The following KIF16B variants were observed in gnomAD, a reference collection of about 807,000 sequenced individuals.
KIF16B encodes kinesin-like protein KIF16B.
A neutral mutation model predicts 156.3 loss-of-function variants in KIF16B; 98 were observed. The observed-to-expected ratio is 0.63, with a 90% confidence interval of 0.53 to 0.74. KIF16B has a LOEUF of 0.74. Ranked by LOEUF, KIF16B falls within the 30% of genes least tolerant of loss-of-function variation. KIF16B has a pLI of 0.00. For synonymous variants in KIF16B, 564 were observed against 583.7 expected, an observed-to-expected ratio of 0.97 and a Z score of 0.49; for missense variants, 1,421 against 1,606.5, an observed-to-expected ratio of 0.88 and a Z score of 1.97.
chr20:16,564,447 G>A (rs2071178477), intron 1 of KIF16B, among the ~76,000 whole-genome samples: 1 of 152,028 alleles, frequency 6.6e-6, no homozygotes, highest in Admixed American at 6.6e-5. Flanking sequence ...TCACTCATAG[G>A]TGGGAATTGA....
Position 16,402,828 on chromosome 20 carries a change from T to G in KIF16B, c.1784+1985A>C, listed in dbSNP as rs184080430. Among the ~76,000 whole-genome samples the G allele has an allele frequency of 2.6e-5, 4 of 152,302 alleles. No homozygotes were observed. The East Asian group carries it at 7.7e-4, about 29-fold the overall frequency. On this transcript the variant is annotated intron_variant, in intron 17 of 25. Transcript: ENST00000354981. ...GAAAGTCACTGAAAAGTTCTGAGGA[T>G]GAAAACTAGTAACTTTGACCTGCAT... is the stretch of plus-strand genomic sequence containing the variant.
intron 3 of KIF16B, among the ~76,000 whole-genome samples, chr20:16,520,975 A>ACAGCAT (rs2069328791): frequency 6.6e-6 from 1 of 152,126 alleles, no homozygotes; most frequent in African/African-American, 2.4e-5. Flanking sequence ...ACAGAAAGAA[A>ACAGCAT]CAGCATCAAC....
intron 25 of KIF16B, among the ~76,000 whole-genome samples, chr20:16,303,851 C>T (rs750228223): frequency 2.0e-4 from 31 of 152,288 alleles, no homozygotes; most frequent in African/African-American, 6.5e-4. Context: ...TGCTTCTACT[C>T]GGTGGGCAGG....
chr20:16,450,797 CAG>C (rs571056577), intron 12 of KIF16B, among the ~76,000 whole-genome samples: 227 of 152,254 alleles, frequency 1.5e-3, no homozygotes, highest in Non-Finnish European at 2.5e-3. Flanking sequence ...AGGAAACAAA[CAG>C]AGTCATATTT....
chr20:16,471,794 T>G (rs185924925), intron 12 of KIF16B, among the ~76,000 whole-genome samples: 2 of 152,246 alleles, frequency 1.3e-5, no homozygotes, highest in African/African-American at 4.8e-5. Context: ...ACAGAAAGTA[T>G]GGCTAATTTA....
At chr20:16,433,452 C>CT (rs1430988269) in intron 12 of KIF16B, among the ~76,000 whole-genome samples, 1 of 151,986 alleles carries the variant, frequency 6.6e-6, no homozygotes, top group Non-Finnish European at 1.5e-5. Flanking sequence ...ACTATTCTTT[C>CT]TTTTTTTAAC....
intron 19 of KIF16B, 50 bp from the exon 20 acceptor site, chr20:16,374,459 C>A: frequency 6.9e-7 from 1 of 1,454,688 alleles, no homozygotes; most frequent in Non-Finnish European, 9.2e-7. Context: ...ATTTCCCGAG[C>A]ATCCTTACTG....
intron 23 of KIF16B, among the ~76,000 whole-genome samples, chr20:16,339,399 G>A (rs1474406191): frequency 2.6e-5 from 4 of 151,878 alleles, no homozygotes; most frequent in Non-Finnish European, 5.9e-5. Context: ...TCTAAACATC[G>A]AGTCCTCCAG....
chr20:16,276,242 G>A (rs892274986), intron 25 of KIF16B, among the ~76,000 whole-genome samples: 1 of 152,140 alleles, frequency 6.6e-6, no homozygotes, highest in Non-Finnish European at 1.5e-5. Context: ...CCTATAAAGG[G>A]CCAATAAAGC....
In KIF16B at chr20:16,273,030, A is replaced by G. The variant is rs747890431; in HGVS notation, c.*223T>C. 1 of 523,904 alleles carries G rather than the reference A, an allele frequency of 1.9e-6. No homozygotes were observed. The highest frequency in any genetic ancestry group is 3.4e-6 in the Non-Finnish European group (1 of 291,666). The allele number at this position is 523,904 out of a possible 1,614,324, so 32.5% of individuals were successfully genotyped here. On this transcript the variant is annotated 3_prime_UTR_variant, in exon 26 of 26. Coordinates refer to ENST00000354981, the MANE Select transcript of KIF16B (RefSeq NM_024704.5). ...AAAAGGCCACGTTCAACCGCAATGG[A>G]ACGGTAACGGCTGCCTGTCAGGGCC...
intron 1 of KIF16B, among the ~76,000 whole-genome samples, chr20:16,535,611 A>G (rs2069929748): frequency 6.6e-6 from 1 of 152,142 alleles, no homozygotes; most frequent in Non-Finnish European, 1.5e-5. Flanking sequence ...ATTCGCTACA[A>G]TGTTAGCAGT....
intron 25 of KIF16B, 65 bp downstream of exon 25, chr20:16,312,270 A>T (rs2063630208): frequency 1.7e-6 from 2 of 1,199,654 alleles, no homozygotes; most frequent in Non-Finnish European, 2.4e-6. Context: ...TAACAGAAAC[A>T]ATTCTTACCG....
At chr20:16,432,208 T>C (rs1010990195) in intron 12 of KIF16B, among the ~76,000 whole-genome samples, 6 of 152,002 alleles carry the variant, frequency 3.9e-5, no homozygotes, top group African/African-American at 1.2e-4. Context: ...TCCAGAAGGT[T>C]GAAGGTAAAA....
rs1311729304 is a variant in KIF16B, at chr20:16,405,009, T to C, written c.1696-108A>G. The C allele has an allele frequency of 1.7e-5, 12 of 723,566 alleles. No individual in the cohort carries two copies. The Admixed American group carries it at 1.9e-4, about 12-fold the overall frequency. 44.8% of individuals were successfully genotyped at this position (723,566 alleles called of 1,614,324 possible). ...AGAGACAATGAGGTGCACATGCTCC[T>C]AATTAACACGCACCACAATTAACTG... is the stretch of plus-strand genomic sequence containing the variant. On this transcript the variant is annotated intron_variant, in intron 16 of 25. Coordinates refer to ENST00000354981, the MANE Select transcript of KIF16B (RefSeq NM_024704.5).
At chr20:16,528,761 C>G (rs2069642939) in intron 1 of KIF16B, among the ~76,000 whole-genome samples, 1 of 151,282 alleles carries the variant, frequency 6.6e-6, no homozygotes, top group Non-Finnish European at 1.5e-5. Context: ...AAAAAGTAGC[C>G]CCCCTCACCT....
intron 24 of KIF16B, among the ~76,000 whole-genome samples, chr20:16,313,288 C>T (rs1241846555): frequency 6.6e-6 from 1 of 152,154 alleles, no homozygotes; most frequent in Non-Finnish European, 1.5e-5. Flanking sequence ...GAGCATTTCT[C>T]CCACAATGTA....
At chr20:16,435,919 T>A (rs2066629982) in intron 12 of KIF16B, among the ~76,000 whole-genome samples, 1 of 152,214 alleles carries the variant, frequency 6.6e-6, no homozygotes, top group Admixed American at 6.5e-5. Flanking sequence ...TATTACCATC[T>A]TGCTTTGTTT....
chr20:16,540,883 T>C (rs6080296), intron 1 of KIF16B, among the ~76,000 whole-genome samples: 20,312 of 152,262 alleles, frequency 0.13, 1,671 homozygotes, highest in South Asian at 0.19. Context: ...TTGCTAAGTC[T>C]GACACACTGT....
chr20:16,283,952 C>T (rs1368039427), intron 25 of KIF16B, among the ~76,000 whole-genome samples: 1 of 152,190 alleles, frequency 6.6e-6, no homozygotes, highest in Admixed American at 6.5e-5. Flanking sequence ...CTAAAGACCA[C>T]CTACATTCAG....
Sources: gnomAD v4.1 joint callset for allele counts (sites outside exome capture counted in the v4.1 genomes callset) on GRCh38, gnomAD v4.1.1 for gene constraint, MANE v1.5 for transcripts, NCBI Gene and HGNC (gene_info 2026-07-23, HGNC 2026-07-21) for gene names.